Variants in SAMD7 observed in about 807,000 individuals in gnomAD.
SAMD7 encodes the protein sterile alpha motif domain-containing protein 7.
In SAMD7, 34 loss-of-function variants were observed where a neutral mutation model predicts 36.7. That is an observed-to-expected ratio of 0.93 (90% CI 0.71 to 1.23). The LOEUF (loss-of-function observed/expected upper bound fraction) is 1.23. Ranked by LOEUF, SAMD7 falls within the 50% of genes most tolerant of loss-of-function variation. SAMD7 has a pLI of 0.00. For synonymous variants in SAMD7, 188 were observed against 189.7 expected (o/e 0.99, Z 0.07); for missense variants, 570 against 546.6 (o/e 1.04, Z -0.43).
rs61124294 is a variant in SAMD7, at chr3:169,915,809, C to T, written c.-42+368C>T. Among the ~76,000 whole-genome samples, 863 of 151,990 alleles carry T rather than the reference C, an allele frequency of 5.7e-3. 6 individuals carry two copies. Among genetic ancestry groups the T allele is most frequent in the African/African-American group, 0.019 (796 of 41,466 alleles). ...GCCAGGCTGGTCTCGAACTCCTGAC[C>T]TCAGATGATCCACCCACCTCGGCCT... is the stretch of plus-strand genomic sequence containing the variant. On this transcript the variant is annotated intron_variant, in intron 2 of 8. Transcript: ENST00000335556.
Position 169,926,676 on chromosome 3 carries a change from CTA to C in SAMD7, c.415_416del (p.Tyr139ProfsTer10), listed in dbSNP as rs1713273293. 1 of 1,614,070 alleles carries C rather than the reference CTA, an allele frequency of 6.2e-7. No homozygotes were observed. Among genetic ancestry groups the C allele is most frequent in the East Asian group, 2.2e-5 (1 of 44,870 alleles). On this transcript the variant is annotated frameshift_variant, in exon 6 of 9. Transcript: ENST00000335556. LOFTEE classifies it high-confidence loss of function. Reference sequence around the variant, plus strand: ...CCAGTGTCCCAGCTGCCCCCGCTGCCTACCATGGCAGGAGCATGCTCCCTGCC... The same window carrying C: ...CCAGTGTCCCAGCTGCCCCCGCTGCCCCATGGCAGGAGCATGCTCCCTGCC... ...GSSVPAAPAA[Y>X]HGRSMLPAGD...
At chr3:169,912,844 C>A (rs946871576) in intron 1 of SAMD7, among the ~76,000 whole-genome samples, 1 of 152,178 alleles carries the variant, frequency 6.6e-6, no homozygotes, top group Non-Finnish European at 1.5e-5. Context: ...TATGAACTGT[C>A]TTTCTAAAGT....
chr3:169,918,202 T>A (rs1272522087), intron 2 of SAMD7, among the ~76,000 whole-genome samples: 1 of 152,214 alleles, frequency 6.6e-6, no homozygotes, highest in Non-Finnish European at 1.5e-5. Context: ...CCTCCCAAAG[T>A]GCTGGGATGA....
chr3:169,915,722 C>T (rs1712769463), intron 2 of SAMD7, among the ~76,000 whole-genome samples: 2 of 151,068 alleles, frequency 1.3e-5, no homozygotes, highest in African/African-American at 4.9e-5. Flanking sequence ...GTAGCTGGGA[C>T]TACAGGCGCC....
intron 5 of SAMD7, chr3:169,926,158 T>G: frequency 6.3e-6 from 4 of 636,892 alleles, no homozygotes; most frequent in Non-Finnish European, 1.0e-5. Context: ...TTATAAATAT[T>G]GAGACTTGCA....
intron 5 of SAMD7, among the ~76,000 whole-genome samples, chr3:169,925,644 T>C (rs1048448032): frequency 6.6e-6 from 1 of 152,154 alleles, no homozygotes; most frequent in East Asian, 1.9e-4. Context: ...GAGAATTGCT[T>C]GAACCTGGGA....
At chr3:169,932,764 T>C in intron 7 of SAMD7, 2 of 530,310 alleles carry the variant, frequency 3.8e-6, no homozygotes, top group South Asian at 3.2e-5. Context: ...GGGAGTATGA[T>C]GAGCGCTACT....
intron 4 of SAMD7, among the ~76,000 whole-genome samples, chr3:169,924,413 C>T (rs540532023): frequency 6.6e-6 from 1 of 151,836 alleles, no homozygotes; most frequent in Non-Finnish European, 1.5e-5. Flanking sequence ...ATGGTGAAAC[C>T]CCATTTCTAC....
rs779142110 is a variant in SAMD7 at position 169,926,661 on chromosome 3, AGCTGCCCCC to A, written c.406_414del (p.Pro136_Ala138del). On this transcript the variant is annotated inframe_deletion, in exon 6 of 9. Transcript: ENST00000335556. The stretch of plus-strand genomic sequence containing the variant: ...CCTTCCTCTATGGCTCCAGTGTCCC[AGCTGCCCCC>A]GCTGCCTACCATGGCAGGAGCATGC... The A allele has an allele frequency of 1.1e-5, 18 of 1,613,948 alleles. No homozygotes were observed. The highest frequency in any genetic ancestry group is 2.7e-5 in the African/African-American group (2 of 74,880).
chr3:169,927,446 T>C (rs1223498259), intron 6 of SAMD7, among the ~76,000 whole-genome samples: 5 of 151,884 alleles, frequency 3.3e-5, no homozygotes, highest in Non-Finnish European at 7.4e-5. Context: ...AGGAGCATGC[T>C]GCCACGCCCG....
chr3:169,923,462 G>C (rs1440830435), intron 4 of SAMD7, among the ~76,000 whole-genome samples: 1 of 152,234 alleles, frequency 6.6e-6, no homozygotes, highest in Non-Finnish European at 1.5e-5. Context: ...CTGCACTGCA[G>C]GCCAGGTGTG....
At chr3:169,923,681 G>A (rs1255237458) in intron 4 of SAMD7, among the ~76,000 whole-genome samples, 1 of 152,176 alleles carries the variant, frequency 6.6e-6, no homozygotes, top group Non-Finnish European at 1.5e-5. Context: ...GAGGGAGGTT[G>A]CAATGAGCCA....
At chr3:169,917,019 T>C (rs560956416) in intron 2 of SAMD7, among the ~76,000 whole-genome samples, 2 of 152,302 alleles carry the variant, frequency 1.3e-5, no homozygotes, top group Admixed American at 6.5e-5. Context: ...TGGTGGTAAC[T>C]AAACTCTCTG....
chr3:169,914,910 C>T (rs1050712351), intron 1 of SAMD7, among the ~76,000 whole-genome samples: 1 of 152,224 alleles, frequency 6.6e-6, no homozygotes, highest in Non-Finnish European at 1.5e-5. Context: ...AAGTCTGCCA[C>T]ATTGCCTCAA....
chr3:169,919,023 G>C (rs1478669757), intron 2 of SAMD7, among the ~76,000 whole-genome samples: 1 of 152,168 alleles, frequency 6.6e-6, no homozygotes, highest in Non-Finnish European at 1.5e-5. Flanking sequence ...GTGGGTGCCT[G>C]TAATCGCAGC....
Position 169,921,087 on chromosome 3 carries a change from G to A in SAMD7, c.87-127G>A. On this transcript the variant is annotated intron_variant, in intron 3 of 8. Coordinates refer to ENST00000335556, the MANE Select transcript of SAMD7 (RefSeq NM_001304366.2). ...AATTCATAAAGACTCCAGGACTTTT[G>A]TATTTCATCTTGAGAAGAGATGATA... The A allele has an allele frequency of 3.6e-6, 3 of 831,038 alleles. No homozygotes were observed. The Middle Eastern group carries it at 7.3e-4, about 203-fold the overall frequency. The allele number at this position is 831,038 out of a possible 1,614,324, so 51.5% of individuals were successfully genotyped here.
In SAMD7 at chr3:169,911,634, T is replaced by G. The variant is rs1712605846; in HGVS notation, c.-304T>G. 6.6e-6 allele frequency: 1 copy of G among 152,252 alleles called. No individual in the cohort carries two copies. Among genetic ancestry groups the G allele is most frequent in the African/African-American group, 2.4e-5 (1 of 41,458 alleles). The allele number at this position is 152,252 out of a possible 1,614,324, so 9.4% of individuals were successfully genotyped here. On this transcript the variant is annotated 5_prime_UTR_variant, in exon 1 of 9. It removes the in-frame stop codon of an upstream open reading frame in the 5' UTR. Coordinates refer to ENST00000335556, the MANE Select transcript of SAMD7 (RefSeq NM_001304366.2). ...AGAGGGCAAAGTTTCTGTCATGAAA[T>G]AGGACTAATCAACTTAGTTGAATTT... is the stretch of plus-strand genomic sequence containing the variant.
intron 4 of SAMD7, 124 bp from the exon 5 acceptor site, chr3:169,924,934 C>A: frequency 1.6e-6 from 1 of 621,974 alleles, no homozygotes; most frequent in Non-Finnish European, 2.7e-6. Flanking sequence ...CAAAATTGTG[C>A]GCAATTGCTG....
At chr3:169,921,063 A>G in intron 3 of SAMD7, 151 bp from the exon 4 acceptor site, 1 of 665,766 alleles carries the variant, frequency 1.5e-6, no homozygotes, top group Admixed American at 2.8e-5. Context: ...TTCTCCATAA[A>G]TTCATAAAGA....
Sources: gnomAD v4.1 joint callset for allele counts (sites outside exome capture counted in the v4.1 genomes callset) on GRCh38, gnomAD v4.1.1 for gene constraint, MANE v1.5 for transcripts, NCBI Gene and HGNC (gene_info 2026-07-23, HGNC 2026-07-21) for gene names.